Variants in SGPL1 observed in about 807,000 individuals in gnomAD.
SGPL1 encodes SP-lyase 1.
A neutral mutation model predicts 68.9 loss-of-function variants in SGPL1; 37 were observed. The observed-to-expected ratio is 0.54, with a 90% CI of 0.41 to 0.71. The LOEUF is 0.71. SGPL1 is among the 30% of genes least tolerant of loss of function. The probability of loss-of-function intolerance (pLI) is 0.00; values close to 1 mark genes in which losing one functional copy is unlikely to be tolerated. For missense variants in SGPL1, 551 were observed against 704.6 expected (o/e 0.78, Z 2.47); for synonymous variants, 236 against 248.5 (o/e 0.95, Z 0.47).
At chr10:70,845,667 T>TTTTTTTTTTTTTGAGACG (rs1554837246) in intron 3 of SGPL1, among the ~76,000 whole-genome samples, 1 of 149,478 alleles carries the variant, frequency 6.7e-6, no homozygotes, top group Non-Finnish European at 1.5e-5. Context: ...TACCTTCTTA[T>TTTTTTTTTTTTTGAGACG]GAGTTATTTT....
chr10:70,850,318 A>T (rs1429279538), intron 3 of SGPL1, among the ~76,000 whole-genome samples: 1 of 152,180 alleles, frequency 6.6e-6, no homozygotes, highest in African/African-American at 2.4e-5. Flanking sequence ...CCTGGCCAGC[A>T]TCCACAATTT....
chr10:70,849,964 A>T (rs895051969), intron 3 of SGPL1, among the ~76,000 whole-genome samples: 4 of 152,124 alleles, frequency 2.6e-5, no homozygotes, highest in African/African-American at 9.7e-5. Flanking sequence ...ATTGCCTTTT[A>T]TGTCACTCGT....
chr10:70,837,069 G>A lies in SGPL1; in HGVS notation c.28-7404G>A, dbSNP rs189623566. Among the ~76,000 whole-genome samples the A allele has an allele frequency of 5.1e-3, 765 of 150,108 alleles. 5 individuals are homozygous for A. The highest frequency in any genetic ancestry group is 0.017 in the African/African-American group (685 of 40,846). On this transcript the variant is annotated intron_variant, in intron 2 of 14. Coordinates refer to ENST00000373202, the MANE Select transcript of SGPL1 (RefSeq NM_003901.4). ...AATTTATTTTTAAAATTTTAATTAC[G>A]TTAAAAAGTTAATGCTTTTTTTTTT... is the stretch of plus-strand genomic sequence containing the variant.
intron 4 of SGPL1, among the ~76,000 whole-genome samples, chr10:70,851,462 C>G (rs569185498): frequency 5.3e-4 from 81 of 151,962 alleles, no homozygotes; most frequent in South Asian, 1.7e-3. Flanking sequence ...CAGCCCCCCC[C>G]CACCCACCAA....
intron 13 of SGPL1, 133 bp from the exon 14 acceptor site, chr10:70,876,408 A>T (rs1376420421): frequency 1.3e-6 from 1 of 778,950 alleles, no homozygotes. Context: ...AGGACTAGGA[A>T]CAACTTGGAT....
chr10:70,866,612 A>C (rs1001468307), intron 7 of SGPL1: 1 of 151,986 alleles, frequency 6.6e-6, no homozygotes, highest in Admixed American at 6.6e-5. Flanking sequence ...TCCCTCCCCG[A>C]CTCTTCACAG....
rs886163387 is a variant in SGPL1, at chr10:70,817,436, T to A, written c.27+556T>A. Among the ~76,000 whole-genome samples, 33 of 152,362 alleles carry A rather than the reference T, an allele frequency of 2.2e-4. 1 individual carries two copies. Among genetic ancestry groups the A allele is most frequent in the South Asian group, 1.4e-3 (7 of 4,830 alleles). On this transcript the variant is annotated intron_variant, in intron 2 of 14. Transcript: ENST00000373202. ...AATCTTTTTCAAAATTATTATTATT[T>A]TTTTTAAATGAGACAAGGTCTTGCT... is the stretch of plus-strand genomic sequence containing the variant.
chr10:70,820,009 C>G (rs1442854456), intron 2 of SGPL1, among the ~76,000 whole-genome samples: 1 of 152,084 alleles, frequency 6.6e-6, no homozygotes, highest in Non-Finnish European at 1.5e-5. Context: ...AGTCTCCCGT[C>G]TTTTCTGCTA....
intron 2 of SGPL1, among the ~76,000 whole-genome samples, chr10:70,823,126 A>G (rs571623369): frequency 9.0e-4 from 137 of 152,176 alleles, no homozygotes; most frequent in Non-Finnish European, 1.6e-3. Context: ...AAGCAATTCA[A>G]GGGGCGTGTG....
At chr10:70,849,803 A>G (rs1057425202) in intron 3 of SGPL1, among the ~76,000 whole-genome samples, 40 of 152,230 alleles carry the variant, frequency 2.6e-4, no homozygotes, top group African/African-American at 8.9e-4. Context: ...TTAGATTCTT[A>G]TAGACTCAAA....
intron 3 of SGPL1, among the ~76,000 whole-genome samples, chr10:70,845,665 T>TTTTTTTTTTTTTTTTTTTTTTTGAG: frequency 6.6e-6 from 1 of 151,292 alleles, no homozygotes; most frequent in Non-Finnish European, 1.5e-5. Context: ...GTTACCTTCT[T>TTTTTTTTTTTTTTTTTTTTTTTGAG]ATGAGTTATT....
chr10:70,835,932 G>C (rs1237710736), intron 2 of SGPL1, among the ~76,000 whole-genome samples: 1 of 152,150 alleles, frequency 6.6e-6, no homozygotes, highest in Non-Finnish European at 1.5e-5. Context: ...CTAGGTCTCT[G>C]TTGTGGCCCA....
intron 2 of SGPL1, among the ~76,000 whole-genome samples, chr10:70,831,411 C>T (rs1005339198): frequency 6.6e-6 from 1 of 152,190 alleles, no homozygotes; most frequent in Non-Finnish European, 1.5e-5. Flanking sequence ...CCAACCCCAA[C>T]CTGTCACAAG....
chr10:70,860,957 G>T (rs1297818451), intron 7 of SGPL1, among the ~76,000 whole-genome samples: 4 of 151,830 alleles, frequency 2.6e-5, no homozygotes, highest in African/African-American at 9.7e-5. Context: ...TCTTTGGCCA[G>T]TGGAAACATC....
chr10:70,822,267 G>GT (rs1845352165), intron 2 of SGPL1, among the ~76,000 whole-genome samples: 1 of 152,128 alleles, frequency 6.6e-6, no homozygotes. Flanking sequence ...GATGAACACT[G>GT]TATTTGGCAA....
chr10:70,851,245 C>T, intron 4 of SGPL1, 35 bp downstream of exon 4: 1 of 1,499,448 alleles, frequency 6.7e-7, no homozygotes, highest in African/African-American at 1.4e-5. Context: ...TTTTTCCCCT[C>T]TTGATAATCA....
In SGPL1 at chr10:70,874,967, G is replaced by A. The variant is rs1178013990; in HGVS notation, c.1299-435G>A. Among the ~76,000 whole-genome samples the A allele has an allele frequency of 4.6e-5, 7 of 152,178 alleles. No homozygotes were observed. The South Asian group carries it at 1.0e-3, about 23-fold the overall frequency. ...ATATAAAAGGTCCTCCTATAGCTCT[G>A]ATAGGGCCATTTATTAAGACCTGCT... On this transcript the variant is annotated intron_variant, in intron 12 of 14. Transcript: ENST00000373202.
At chr10:70,853,950 A>C (rs1227786162) in intron 4 of SGPL1, among the ~76,000 whole-genome samples, 1 of 152,192 alleles carries the variant, frequency 6.6e-6, no homozygotes, top group Non-Finnish European at 1.5e-5. Context: ...TCACTTGCAC[A>C]AGGACCAGAA....
Position 70,854,738 on chromosome 10 carries a change from G to C in SGPL1, c.292G>C (p.Asp98His). Residue 98 changes from aspartate (D) to histidine (H), a missense_variant, in exon 5 of 15, where the codon GAT becomes CAT. Transcript: ENST00000373202. ...AGACAAGTTGAACAAGACCAAGGATGATATTAGCAAGAACATGTCATTCCT... is the reference window on the plus strand; with the variant it reads ...AGACAAGTTGAACAAGACCAAGGATCATATTAGCAAGAACATGTCATTCCT... ...IQDKLNKTKD[D>H]ISKNMSFLKV... is the part of the protein sequence containing the mutation. 1.2e-6 allele frequency: 2 copies of C among 1,613,396 alleles called. No individual in the cohort carries two copies. The highest frequency in any genetic ancestry group is 1.7e-6 in the Non-Finnish European group (2 of 1,179,742).
Sources: gnomAD v4.1 joint callset for allele counts (sites outside exome capture counted in the v4.1 genomes callset) on GRCh38, gnomAD v4.1.1 for gene constraint, MANE v1.5 for transcripts, NCBI Gene and HGNC (gene_info 2026-07-23, HGNC 2026-07-21) for gene names.